The following PCSK9 variants were observed in gnomAD, a reference collection of about 807,000 sequenced individuals.
PCSK9 encodes proprotein convertase subtilisin/kexin type 9, also known as convertase subtilisin/kexin type 9 preproprotein.
In PCSK9, 57 loss-of-function variants were observed where a neutral mutation model predicts 62.1. That is an observed-to-expected ratio of 0.92 (90% CI 0.74 to 1.14). The LOEUF is 1.14. Ranked by LOEUF, PCSK9 falls within the 50% of genes most tolerant of loss-of-function variation. The pLI, the probability that PCSK9 is intolerant of heterozygous loss-of-function variation, is 0.00. For synonymous variants in PCSK9, 387 were observed against 409.4 expected, an observed-to-expected ratio of 0.95 and a Z score of 0.66; for missense variants, 870 against 959.8, an observed-to-expected ratio of 0.91 and a Z score of 1.24.
chr1:55,041,816 T>C (rs375947790), intron 1 of PCSK9, among the ~76,000 whole-genome samples: 11 of 152,314 alleles, frequency 7.2e-5, no homozygotes, highest in African/African-American at 2.6e-4. Context: ...AGATGGGTCT[T>C]TGAAGCATTA....
chr1:55,050,816 C>T (rs1396174109), intron 3 of PCSK9: 2 of 302,482 alleles, frequency 6.6e-6, no homozygotes, highest in Middle Eastern at 1.2e-3. Flanking sequence ...TACACACACC[C>T]AGACAGAGCC....
Position 55,057,326 on chromosome 1 carries a change from T to C in PCSK9, c.997-5T>C. On this transcript the variant is annotated splice_region_variant and splice_polypyrimidine_tract_variant and intron_variant, in intron 6 of 11. Transcript: ENST00000302118. Reference sequence around the variant, plus strand: ...TCTCTGCCACCCACCTCCTCACCTTTCCAGGTCATCACAGTTGGGGCCACC... The same window carrying C: ...TCTCTGCCACCCACCTCCTCACCTTCCCAGGTCATCACAGTTGGGGCCACC... 1 of 1,613,528 alleles carries C rather than the reference T, an allele frequency of 6.2e-7. No homozygotes were observed. The highest frequency in any genetic ancestry group is 1.7e-5 in the Admixed American group (1 of 60,024).
rs1644742382 is a variant in PCSK9 at position 55,059,488 on chromosome 1, C to G, written c.1506C>G (p.Ala502=). 6.4e-7 allele frequency: 1 copy of G among 1,562,906 alleles called. No homozygotes were observed. Among genetic ancestry groups the G allele is most frequent in the Non-Finnish European group, 8.7e-7 (1 of 1,152,592 alleles). Residue 502 remains alanine, a splice_region_variant and synonymous_variant, in exon 10 of 12, where the codon GCC becomes GCG. Coordinates refer to ENST00000302118, the MANE Select transcript of PCSK9 (RefSeq NM_174936.4). ...SGKRRGERME[A]QGGKLVCRAH... is the part of the protein sequence containing the mutation. The stretch of plus-strand genomic sequence containing the variant: ...CCATTTCCGTCTTTGACTCTAAGGC[C>G]CAAGGGGGCAAGCTGGTCTGCCGGG...
Position 55,046,588 on chromosome 1 carries a change from G to T in PCSK9, c.465G>T (p.Pro155=). 1 of 1,614,120 alleles carries T rather than the reference G, an allele frequency of 6.2e-7. No homozygotes were observed. The highest frequency in any genetic ancestry group is 8.5e-7 in the Non-Finnish European group (1 of 1,180,042). The change falls in exon 3 of 12, where the codon CCG becomes CCT. Residue 155 remains proline (P), a synonymous_variant. Transcript: ENST00000302118. ...EDSSVFAQSI[P]WNLERITPPR... ...CCTCTGTCTTTGCCCAGAGCATCCC[G>T]TGGAACCTGGAGCGGATTACCCCTC...
In PCSK9 at chr1:55,039,607, C is replaced by T; in HGVS notation, c.-231C>T. On this transcript the variant is annotated 5_prime_UTR_variant, in exon 1 of 12. Transcript: ENST00000302118. The stretch of plus-strand genomic sequence containing the variant: ...GCCGCCGTTCAGTTCAGGGTCTGAG[C>T]CTGGAGGAGTGAGCCAGGCAGTGAG... 1 of 608,796 alleles carries T rather than the reference C, an allele frequency of 1.6e-6. No individual in the cohort carries two copies. The highest frequency in any genetic ancestry group is 2.0e-5 in the South Asian group (1 of 50,728). 37.7% of individuals were successfully genotyped at this position (608,796 alleles called of 1,614,324 possible).
At chr1:55,058,952 A>T (rs1305996288) in intron 9 of PCSK9, among the ~76,000 whole-genome samples, 1 of 152,224 alleles carries the variant, frequency 6.6e-6, no homozygotes, top group Admixed American at 6.5e-5. Flanking sequence ...CGTGAGGGTC[A>T]GCGATCTGCT....
At position 55,048,345 on chromosome 1, in the gene PCSK9, C is replaced by T. The variant is rs28362226; in HGVS notation, c.523+1699C>T. ...AACCTTAACCACATCTGCAAGGACC[C>T]TTTTTCCAAATAAGGTCACAGCCAC... On this transcript the variant is annotated intron_variant, in intron 3 of 11. Transcript: ENST00000302118. Among the ~76,000 whole-genome samples the T allele has an allele frequency of 1.5e-3, 223 of 152,310 alleles. 1 individual carries two copies. The highest frequency in any genetic ancestry group is 5.2e-3 in the African/African-American group (218 of 41,576).
intron 5 of PCSK9, among the ~76,000 whole-genome samples, chr1:55,053,778 C>T (rs1436453762): frequency 6.6e-6 from 1 of 152,184 alleles, no homozygotes; most frequent in East Asian, 1.9e-4. Context: ...TTGTGCCTGT[C>T]CCACCCCTTT....
At chr1:55,051,372 C>T (rs1310357811) in intron 3 of PCSK9, 4 of 353,552 alleles carry the variant, frequency 1.1e-5, no homozygotes, top group East Asian at 1.7e-4. Flanking sequence ...TTTCCGCTGG[C>T]GCAGGACTCT....
intron 2 of PCSK9, among the ~76,000 whole-genome samples, chr1:55,044,746 G>T (rs944116318): frequency 2.0e-5 from 3 of 152,164 alleles, no homozygotes; most frequent in African/African-American, 4.8e-5. Context: ...AGGCCCCACG[G>T]TCTTGTCCAA....
At chr1:55,058,432 A>G in intron 8 of PCSK9, 67 bp from the exon 9 acceptor site, 1 of 1,606,968 alleles carries the variant, frequency 6.2e-7, no homozygotes, top group Non-Finnish European at 8.5e-7. Context: ...CCTACCATGA[A>G]CTAAAGATTT....
chr1:55,061,097 C>T (rs1269563509), intron 10 of PCSK9, among the ~76,000 whole-genome samples: 1 of 152,178 alleles, frequency 6.6e-6, no homozygotes, highest in Admixed American at 6.5e-5. Context: ...GCCCCTGCCT[C>T]ACTGTCTCCA....
intron 5 of PCSK9, among the ~76,000 whole-genome samples, chr1:55,054,862 G>A (rs1307072826): frequency 3.3e-5 from 5 of 152,230 alleles, no homozygotes; most frequent in South Asian, 2.1e-4. Flanking sequence ...AAAATTAGCC[G>A]GGCGTGGTGG....
At chr1:55,050,052 T>C (rs28362233) in intron 3 of PCSK9, among the ~76,000 whole-genome samples, 2,628 of 152,322 alleles carry the variant, frequency 0.017, 88 homozygotes, top group African/African-American at 0.06. Flanking sequence ...CGATGTGCGT[T>C]GTGTGGCTTA....
Position 55,056,196 on chromosome 1 carries a change from GC to G in PCSK9, c.996+8del, listed in dbSNP as rs768213924. 222 of 1,395,934 alleles carry G rather than the reference GC, an allele frequency of 1.6e-4. No individual in the cohort carries two copies. The highest frequency in any genetic ancestry group is 2.3e-5 in the Non-Finnish European group (24 of 1,062,534). The allele number at this position is 1,395,934 out of a possible 1,614,324, so 86.5% of individuals were successfully genotyped here. A position where few individuals can be genotyped will look rare whatever the true frequency, so the allele number is the denominator to read the frequency against. ...CCCAGCCTCAGCTCCCGAGGTAGGT[GC>G]TGGGGCTGCTGCCCCAAGGCGCGGG... is the stretch of plus-strand genomic sequence containing the variant. On this transcript the variant is annotated splice_region_variant and intron_variant, in intron 6 of 11. Transcript: ENST00000302118.
In PCSK9 at chr1:55,052,739, C is replaced by G; in HGVS notation, c.747C>G (p.Ser249Arg). The G allele has an allele frequency of 1.2e-6, 2 of 1,613,198 alleles. No individual in the cohort carries two copies. The highest frequency in any genetic ancestry group is 1.7e-6 in the Non-Finnish European group (2 of 1,180,014). Reference sequence around the variant, plus strand: ...TGGCCAAGGGTGCCAGCATGCGCAGCCTGCGCGTGCTCAACTGCCAAGGGA... The same window carrying G: ...TGGCCAAGGGTGCCAGCATGCGCAGGCTGCGCGTGCTCAACTGCCAAGGGA... ...AGVAKGASMR[S>R]LRVLNCQGKG... Residue 249 changes from serine (S) to arginine (R), a missense_variant, in exon 5 of 12, where the codon AGC becomes AGG. Coordinates refer to ENST00000302118, the MANE Select transcript of PCSK9 (RefSeq NM_174936.4).
In PCSK9 at chr1:55,057,405, C is replaced by T. The variant is rs779288795; in HGVS notation, c.1071C>T (p.Arg357=). The T allele has an allele frequency of 6.8e-6, 11 of 1,614,182 alleles. No individual in the cohort carries two copies. The highest frequency in any genetic ancestry group is 9.3e-6 in the Non-Finnish European group (11 of 1,180,050). Reference sequence around the variant, plus strand: ...GGACTTTGGGGACCAACTTTGGCCGCTGTGTGGACCTCTTTGCCCCAGGGG... The same window carrying T: ...GGACTTTGGGGACCAACTTTGGCCGTTGTGTGGACCTCTTTGCCCCAGGGG... ...TLGTLGTNFG[R]CVDLFAPGED... is the part of the protein sequence containing the mutation. The change falls in exon 7 of 12, where the codon CGC becomes CGT. Residue 357 remains arginine (R), a synonymous_variant. Coordinates refer to ENST00000302118, the MANE Select transcript of PCSK9 (RefSeq NM_174936.4).
At position 55,052,524 on chromosome 1, in the gene PCSK9, C is replaced by G. The variant is rs536037529; in HGVS notation, c.657+113C>G. ...GCTGTACTCCTGGGTTGCACCCCCC[C>G]CAGCTGTCACTGTCCCCTCCCTGCC... is the stretch of plus-strand genomic sequence containing the variant. On this transcript the variant is annotated intron_variant, in intron 4 of 11. Transcript: ENST00000302118. The G allele has an allele frequency of 4.5e-4, 717 of 1,603,574 alleles. 7 individuals are homozygous for G. The East Asian group carries it at 0.014, about 32-fold the overall frequency.
intron 7 of PCSK9, 101 bp from the exon 8 acceptor site, chr1:55,057,935 T>C: frequency 6.7e-7 from 1 of 1,484,602 alleles, no homozygotes; most frequent in Non-Finnish European, 9.4e-7. Flanking sequence ...TGTGCACGTG[T>C]GTTTGTGTGT....
Sources: allele counts gnomAD v4.1 joint callset (sites outside exome capture counted in the v4.1 genomes callset), GRCh38; gene constraint gnomAD v4.1.1; transcripts MANE v1.5; gene names NCBI Gene and HGNC (gene_info 2026-07-23, HGNC 2026-07-21).